Variants in PDGFRL observed in about 807,000 individuals in gnomAD.
The protein encoded by PDGFRL is platelet-derived growth factor receptor-like protein.
Under a neutral mutation model 37.2 loss-of-function variants are expected in PDGFRL, and 46 were observed. That is an observed-to-expected ratio of 1.24 (90% confidence interval 0.98 to 1.58). The LOEUF (loss-of-function observed/expected upper bound fraction) is 1.58. PDGFRL is among the 40% of genes most tolerant of loss of function. PDGFRL has a pLI of 0.00. For missense variants in PDGFRL, 692 were observed against 467.6 expected, an observed-to-expected ratio of 1.48 and a Z score of -4.43; for synonymous variants, 251 against 184.3, an observed-to-expected ratio of 1.36 and a Z score of -2.93.
chr8:17,577,421 C>G, intron 1 of PDGFRL, 114 bp downstream of exon 1: 1 of 878,640 alleles, frequency 1.1e-6, no homozygotes, highest in East Asian at 2.6e-5. Context: ...CTCGGTGGCT[C>G]AGCCCCCGCG....
chr8:17,594,481 T>C (rs968037566), intron 2 of PDGFRL, among the ~76,000 whole-genome samples: 1 of 152,124 alleles, frequency 6.6e-6, no homozygotes, highest in Non-Finnish European at 1.5e-5. Flanking sequence ...CCTCAACTGA[T>C]CTGTCTGCCT....
chr8:17,583,304 A>C (rs535569315), intron 1 of PDGFRL, among the ~76,000 whole-genome samples: 83 of 152,220 alleles, frequency 5.5e-4, no homozygotes, highest in Admixed American at 4.7e-3. Flanking sequence ...AGCAGTATGC[A>C]CCCTCACCTT....
intron 2 of PDGFRL, among the ~76,000 whole-genome samples, chr8:17,601,716 G>A (rs1182698231): frequency 6.6e-6 from 1 of 152,028 alleles, no homozygotes; most frequent in African/African-American, 2.4e-5. Flanking sequence ...GAGAGCATGT[G>A]GTATTTAGTC....
At chr8:17,616,650 C>G (rs938136843) in intron 2 of PDGFRL, among the ~76,000 whole-genome samples, 3 of 152,140 alleles carry the variant, frequency 2.0e-5, no homozygotes, top group Non-Finnish European at 4.4e-5. Flanking sequence ...TGACATCCTT[C>G]CTTTGTACCA....
upstream of PDGFRL, chr8:17,576,656 T>A (rs1803586283): frequency 4.2e-6 from 4 of 957,236 alleles, no homozygotes; most frequent in Non-Finnish European, 5.0e-6. Flanking sequence ...ATTCCTGTAA[T>A]GAACCCGTCC....
chr8:17,615,281 A>C (rs1804500191), intron 2 of PDGFRL, among the ~76,000 whole-genome samples: 1 of 150,328 alleles, frequency 6.7e-6, no homozygotes, highest in African/African-American at 2.4e-5. Context: ...AGCTCATTTA[A>C]CTGGATCTCT....
chr8:17,620,023 C>T (rs775603040), intron 2 of PDGFRL, among the ~76,000 whole-genome samples: 12 of 152,132 alleles, frequency 7.9e-5, no homozygotes, highest in Admixed American at 1.3e-4. Context: ...AGTGCAGTGG[C>T]GTGATCATGA....
intron 1 of PDGFRL, among the ~76,000 whole-genome samples, chr8:17,581,509 TC>T (rs1244768156): frequency 1.3e-5 from 2 of 152,082 alleles, no homozygotes; most frequent in African/African-American, 4.8e-5. Context: ...TGAATTTTGA[TC>T]CCCCATGTGG....
In PDGFRL at chr8:17,642,867, C is replaced by T. The variant is rs891699151; in HGVS notation, c.*66C>T. The T allele has an allele frequency of 3.5e-5, 37 of 1,049,738 alleles. No individual in the cohort carries two copies. The highest frequency in any genetic ancestry group is 4.9e-5 in the Non-Finnish European group (34 of 692,864). The allele number at this position is 1,049,738 out of a possible 1,614,324, so 65.0% of individuals were successfully genotyped here. ...TGTGTACACAGTCAGCTTTGGGGTT[C>T]CTTTTATTAGTGCTTTGCCAGAGGC... On this transcript the variant is annotated 3_prime_UTR_variant, in exon 6 of 6. Coordinates refer to ENST00000251630, the MANE Select transcript of PDGFRL (RefSeq NM_001372073.1).
chr8:17,577,583 C>A (rs1488477830), intron 1 of PDGFRL, among the ~76,000 whole-genome samples: 3 of 151,808 alleles, frequency 2.0e-5, no homozygotes, highest in Non-Finnish European at 4.4e-5. Flanking sequence ...TCCGGGCGAA[C>A]CAAGCATCCC....
chr8:17,577,178 C>A (rs768469401), upstream of PDGFRL: 51 of 1,558,070 alleles, frequency 3.3e-5, no homozygotes, highest in Non-Finnish European at 4.4e-5. Flanking sequence ...GCCCGCCCCT[C>A]GCCCGCCGCC....
intron 2 of PDGFRL, among the ~76,000 whole-genome samples, chr8:17,612,028 C>T (rs1337246228): frequency 6.6e-6 from 1 of 152,150 alleles, no homozygotes; most frequent in Non-Finnish European, 1.5e-5. Flanking sequence ...CAGGTCCACA[C>T]AGGCAGGGGA....
At chr8:17,597,300 C>A (rs999271350) in intron 2 of PDGFRL, among the ~76,000 whole-genome samples, 1 of 152,220 alleles carries the variant, frequency 6.6e-6, no homozygotes, top group Admixed American at 6.5e-5. Context: ...AGATTTCAGG[C>A]ATGAGCCTCC....
chr8:17,597,078 TGGCACGATCTCAGCTCA>T (rs1804069846), intron 2 of PDGFRL, among the ~76,000 whole-genome samples: 1 of 152,226 alleles, frequency 6.6e-6, no homozygotes, highest in Non-Finnish European at 1.5e-5. Flanking sequence ...TGGCGTGCAG[TGGCACGATCTCAGCTCA>T]CTGCAACCTC....
intron 5 of PDGFRL, among the ~76,000 whole-genome samples, chr8:17,637,035 A>C (rs1289592315): frequency 6.6e-6 from 1 of 152,164 alleles, no homozygotes; most frequent in Non-Finnish European, 1.5e-5. Context: ...AGGGTTTTCT[A>C]GGTATATGAT....
intron 2 of PDGFRL, among the ~76,000 whole-genome samples, chr8:17,601,748 C>T (rs1804170730): frequency 6.6e-6 from 1 of 152,124 alleles, no homozygotes; most frequent in African/African-American, 2.4e-5. Flanking sequence ...TGTTGGTTTA[C>T]TTAGGATAAT....
chr8:17,589,385 C>CAAGAAA (rs1803882880), intron 1 of PDGFRL, 83 bp from the exon 2 acceptor site: 1 of 639,482 alleles, frequency 1.6e-6, no homozygotes. Context: ...GAATCTGTCT[C>CAAGAAA]AAAAAAAAAA....
chr8:17,637,532 C>CT (rs1468401408), intron 5 of PDGFRL, among the ~76,000 whole-genome samples: 2 of 152,000 alleles, frequency 1.3e-5, no homozygotes, highest in African/African-American at 2.4e-5. Context: ...ATAGTTTTCT[C>CT]TTTTTTGTTA....
chr8:17,591,986 AT>A (rs1803950601), intron 2 of PDGFRL, among the ~76,000 whole-genome samples: 1 of 152,118 alleles, frequency 6.6e-6, no homozygotes, highest in Admixed American at 6.6e-5. Flanking sequence ...AACGATTTAT[AT>A]TTCCACACAA....
Sources: allele counts gnomAD v4.1 joint callset (sites outside exome capture counted in the v4.1 genomes callset), GRCh38; gene constraint gnomAD v4.1.1; transcripts MANE v1.5; gene names NCBI Gene and HGNC (gene_info 2026-07-23, HGNC 2026-07-21).